Variants in ASAP1 observed in about 807,000 individuals in gnomAD.
ASAP1 encodes ArfGAP with SH3 domain, ankyrin repeat and PH domain 1.
A neutral mutation model predicts 145.2 loss-of-function variants in ASAP1; 43 were observed. That is an observed-to-expected ratio of 0.30 (90% confidence interval 0.23 to 0.38). The LOEUF is 0.38. ASAP1 is among the 10% of genes least tolerant of loss of function. ASAP1 has a pLI of 1.00. For missense variants in ASAP1, 1,018 were observed against 1,355.3 expected (o/e 0.75, Z 3.91); for synonymous variants, 546 against 515.5 (o/e 1.06, Z -0.80).
At chr8:130,215,807 C>T (rs1816867979) in intron 4 of ASAP1, among the ~76,000 whole-genome samples, 1 of 152,016 alleles carries the variant, frequency 6.6e-6, no homozygotes, top group South Asian at 2.1e-4. Flanking sequence ...CACCTGTGGT[C>T]TCAGCTACTT....
intron 24 of ASAP1, among the ~76,000 whole-genome samples, chr8:130,100,789 T>C (rs929730559): frequency 3.3e-5 from 5 of 152,154 alleles, no homozygotes; most frequent in Admixed American, 2.6e-4. Context: ...ATTCAACAGG[T>C]TGTCTCTTTG....
At chr8:130,057,805 T>C (rs1411417263) in intron 29 of ASAP1, 149 bp downstream of exon 29, 3 of 1,022,634 alleles carry the variant, frequency 2.9e-6, no homozygotes, top group African/African-American at 1.6e-5. Flanking sequence ...AGACACCAAA[T>C]GCAATGGCTG....
At chr8:130,211,462 G>A (rs1053263822) in intron 5 of ASAP1, among the ~76,000 whole-genome samples, 1 of 152,198 alleles carries the variant, frequency 6.6e-6, no homozygotes, top group East Asian at 1.9e-4. Flanking sequence ...AATGATGGTT[G>A]AGATAGTTAC....
At position 130,134,296 on chromosome 8, in the gene ASAP1, G is replaced by T; in HGVS notation, c.1217C>A (p.Ala406Glu). The T allele has an allele frequency of 6.3e-7, 1 of 1,578,344 alleles. No homozygotes were observed. Among genetic ancestry groups the T allele is most frequent in the Non-Finnish European group, 8.6e-7 (1 of 1,161,978 alleles). ...GCACCTTTATTTCAAAACTACTTAC[G>T]CTACATAATCCTGCTCATCTTCTGC... ...FQAEDEQDYV[A>E]WISVLTNSKE... The change falls in exon 15 of 30, where the codon GCA becomes GAA. Residue 406 changes from alanine (A) to glutamate (E), a missense_variant and splice_region_variant. Ala to Glu is a moderately radical substitution (Grantham distance 107). Coordinates refer to ENST00000518721, the MANE Select transcript of ASAP1 (RefSeq NM_018482.4).
intron 2 of ASAP1, among the ~76,000 whole-genome samples, chr8:130,387,204 G>A (rs531244088): frequency 6.6e-6 from 1 of 152,208 alleles, no homozygotes; most frequent in Admixed American, 6.5e-5. Context: ...GATGACCCAG[G>A]AAGAAGAAAT....
chr8:130,115,837 G>C (rs1165417335), intron 22 of ASAP1, 102 bp from the exon 23 acceptor site: 2 of 852,930 alleles, frequency 2.3e-6, no homozygotes, highest in East Asian at 2.4e-5. Flanking sequence ...AGTTTTCAAT[G>C]AATCATCTGT....
intron 3 of ASAP1, among the ~76,000 whole-genome samples, chr8:130,266,126 G>A (rs1487762776): frequency 6.6e-6 from 1 of 152,124 alleles, no homozygotes; most frequent in Non-Finnish European, 1.5e-5. Flanking sequence ...CCTCTTGAGG[G>A]ACTACAATCT....
intron 1 of ASAP1, among the ~76,000 whole-genome samples, chr8:130,437,393 C>G (rs180963546): frequency 6.7e-4 from 102 of 152,296 alleles, no homozygotes; most frequent in African/African-American, 2.2e-3. Context: ...GACCCTTGTG[C>G]TGGCTGCTTT....
chr8:130,299,180 A>G (rs1238151557), intron 3 of ASAP1, among the ~76,000 whole-genome samples: 4 of 152,268 alleles, frequency 2.6e-5, no homozygotes, highest in South Asian at 2.1e-4. Context: ...ACACAAGCGG[A>G]TAACAGTGGC....
intron 9 of ASAP1, among the ~76,000 whole-genome samples, chr8:130,177,753 TC>T (rs1378962583): frequency 6.6e-6 from 1 of 152,214 alleles, no homozygotes; most frequent in Admixed American, 6.5e-5. Context: ...AAAAAGGTTT[TC>T]CTTAAGAGAA....
chr8:130,318,846 G>GA (rs1025426912), intron 3 of ASAP1, among the ~76,000 whole-genome samples: 4 of 152,022 alleles, frequency 2.6e-5, no homozygotes, highest in African/African-American at 9.7e-5. Flanking sequence ...GTGGCCAATG[G>GA]AAAAAAAGAT....
At chr8:130,302,419 GA>G (rs761431351) in intron 3 of ASAP1, among the ~76,000 whole-genome samples, 13 of 152,194 alleles carry the variant, frequency 8.5e-5, no homozygotes. Context: ...AGATGAGAGA[GA>G]AATGCTAAAA....
intron 25 of ASAP1, among the ~76,000 whole-genome samples, chr8:130,081,750 G>A (rs955047263): frequency 5.3e-5 from 8 of 152,158 alleles, no homozygotes; most frequent in Non-Finnish European, 1.0e-4. Context: ...TGCAGGTCCC[G>A]TGGGGAAATG....
chr8:130,341,306 A>T (rs916717085), intron 3 of ASAP1, among the ~76,000 whole-genome samples: 17 of 152,126 alleles, frequency 1.1e-4, no homozygotes, highest in Non-Finnish European at 2.1e-4. Flanking sequence ...TGTTTTCAGT[A>T]AGCTCCATGA....
chr8:130,055,430 G>A (rs2097401760), intron 29 of ASAP1, among the ~76,000 whole-genome samples: 1 of 151,862 alleles, frequency 6.6e-6, no homozygotes, highest in Admixed American at 6.6e-5. Context: ...AGACCATTAA[G>A]CTGTGTCAGC....
rs535245522 is a variant in ASAP1, at chr8:130,091,761, G to A, written c.2572+212C>T. Among the ~76,000 whole-genome samples the A allele has an allele frequency of 2.6e-5, 4 of 152,326 alleles. No individual in the cohort carries two copies. The East Asian group carries it at 5.8e-4, about 22-fold the overall frequency. ...TTGAGTAAGATTTAGGAAGTGCTCA[G>A]CACCTTTTAGTTTTTAATGGCCTAA... On this transcript the variant is annotated intron_variant, in intron 25 of 29. Transcript: ENST00000518721.
intron 1 of ASAP1, among the ~76,000 whole-genome samples, chr8:130,410,330 T>C (rs1829210963): frequency 6.6e-6 from 1 of 152,164 alleles, no homozygotes; most frequent in South Asian, 2.1e-4. Context: ...AAAAGTTACA[T>C]CCTAAGAATT....
At chr8:130,220,361 C>T (rs1817215820) in intron 4 of ASAP1, among the ~76,000 whole-genome samples, 2 of 152,146 alleles carry the variant, frequency 1.3e-5, no homozygotes, top group Non-Finnish European at 2.9e-5. Flanking sequence ...ACATACAGTA[C>T]ATTACTTCAT....
At chr8:130,111,480 C>T (rs938353496) in intron 24 of ASAP1, among the ~76,000 whole-genome samples, 4 of 152,170 alleles carry the variant, frequency 2.6e-5, no homozygotes, top group Non-Finnish European at 5.9e-5. Context: ...GCCAATTACT[C>T]AGTATCTCTG....
Sources: gnomAD v4.1 joint callset for allele counts (sites outside exome capture counted in the v4.1 genomes callset) on GRCh38, gnomAD v4.1.1 for gene constraint, MANE v1.5 for transcripts, NCBI Gene and HGNC (gene_info 2026-07-23, HGNC 2026-07-21) for gene names.